OXR1: variants seen among roughly 807,000 people sequenced by gnomAD.
OXR1 encodes oxidation resistance 1, also known as oxidation resistance protein 1.
In OXR1, 41 loss-of-function variants were observed where a neutral mutation model predicts 104.6. The ratio of observed to expected loss-of-function variants is 0.39; its 90% confidence interval spans 0.31 to 0.51. The LOEUF is 0.51. Ranked by LOEUF, OXR1 falls within the 20% of genes least tolerant of loss-of-function variation. The pLI is 0.77. For missense variants in OXR1, 955 were observed against 1,031.9 expected, an observed-to-expected ratio of 0.93 and a Z score of 1.02; for synonymous variants, 348 against 348.4, an observed-to-expected ratio of 1.00 and a Z score of 0.01.
chr8:106,363,089 A>T lies in OXR1; in HGVS notation c.23+3453A>T, dbSNP rs187164133. 1.9e-3 allele frequency among the ~76,000 whole-genome samples: 283 copies of T among 152,364 alleles called. 1 individual carries two copies. Among genetic ancestry groups the T allele is most frequent in the African/African-American group, 6.3e-3 (264 of 41,598 alleles). The stretch of plus-strand genomic sequence containing the variant: ...AGGTGATAGTAATTCTTCTAGAGCC[A>T]TGTATGGGAGAAAGAAGTCACTGGA... On this transcript the variant is annotated intron_variant, in intron 2 of 16. Coordinates refer to ENST00000517566, the MANE Select transcript of OXR1 (RefSeq NM_001198533.2).
At chr8:106,495,499 A>G (rs915716131) in intron 2 of OXR1, among the ~76,000 whole-genome samples, 1 of 152,172 alleles carries the variant, frequency 6.6e-6, no homozygotes, top group Non-Finnish European at 1.5e-5. Flanking sequence ...CCAGTTCCCT[A>G]GTTTTCCTGT....
intron 2 of OXR1, among the ~76,000 whole-genome samples, chr8:106,455,876 C>T (rs1377469478): frequency 3.9e-5 from 6 of 152,142 alleles, no homozygotes; most frequent in Non-Finnish European, 8.8e-5. Flanking sequence ...ACCCAAATTC[C>T]AATAGAGCTC....
Position 106,625,502 on chromosome 8 carries a change from T to A in OXR1, c.221-53708T>A, listed in dbSNP as rs186346392. On this transcript the variant is annotated intron_variant, in intron 3 of 16. Transcript: ENST00000517566. ...AACCTTGGTTTGTTCTAATAGCACA[T>A]GTGTGTAGAGCAAGAATCTACATTC... is the stretch of plus-strand genomic sequence containing the variant. Among the ~76,000 whole-genome samples the A allele has an allele frequency of 2.0e-5, 3 of 152,338 alleles. No homozygotes were observed. The East Asian group carries it at 5.8e-4, about 29-fold the overall frequency.
rs1821863635 is a variant in OXR1 at position 106,623,156 on chromosome 8, A to G, written c.221-56054A>G. 2.0e-5 allele frequency among the ~76,000 whole-genome samples: 3 copies of G among 152,106 alleles called. No individual in the cohort carries two copies. The South Asian group carries it at 6.2e-4, about 32-fold the overall frequency. On this transcript the variant is annotated intron_variant, in intron 3 of 16. Coordinates refer to ENST00000517566, the MANE Select transcript of OXR1 (RefSeq NM_001198533.2). ...CCTATAGATTCCTCTATTCCCTGAG[A>G]TTTTCTTCAATATGGGTTCCATCCA...
At chr8:106,293,959 A>G (rs539122891) in intron 1 of OXR1, among the ~76,000 whole-genome samples, 42 of 110,582 alleles carry the variant, frequency 3.8e-4, no homozygotes, top group African/African-American at 1.5e-3. Context: ...TTCATATGAC[A>G]GTTTAATTTT....
chr8:106,683,163 T>C, intron 4 of OXR1, 36 bp from the exon 5 acceptor site: 1 of 1,060,544 alleles, frequency 9.4e-7, no homozygotes, highest in Non-Finnish European at 1.4e-6. Flanking sequence ...TTTTCTGTTT[T>C]AAACATTGAA....
chr8:106,413,717 G>C (rs1265457271), intron 2 of OXR1, among the ~76,000 whole-genome samples: 3 of 129,980 alleles, frequency 2.3e-5, no homozygotes, highest in Admixed American at 7.6e-5. Flanking sequence ...AGCTAATGCT[G>C]TATCTACTTT....
chr8:106,333,228 C>T (rs893087597), intron 1 of OXR1, among the ~76,000 whole-genome samples: 2 of 152,044 alleles, frequency 1.3e-5, no homozygotes, highest in Admixed American at 1.3e-4. Flanking sequence ...AACTTTTTCA[C>T]AGCAGCTATG....
At chr8:106,340,843 A>C (rs1290396232) in intron 1 of OXR1, among the ~76,000 whole-genome samples, 1 of 148,022 alleles carries the variant, frequency 6.8e-6, no homozygotes, top group East Asian at 1.9e-4. Context: ...TAATTTTAGG[A>C]ATCTCAAACA....
chr8:106,341,423 T>C (rs1166328429), intron 1 of OXR1, among the ~76,000 whole-genome samples: 2 of 135,656 alleles, frequency 1.5e-5, no homozygotes, highest in Non-Finnish European at 3.2e-5. Flanking sequence ...TAACAAACAG[T>C]ATTATTAAAA....
At chr8:106,547,983 T>C (rs1291921654) in intron 3 of OXR1, among the ~76,000 whole-genome samples, 1 of 152,198 alleles carries the variant, frequency 6.6e-6, no homozygotes, top group Non-Finnish European at 1.5e-5. Context: ...TTTGGGTATA[T>C]ACCCAGAAGT....
intron 2 of OXR1, among the ~76,000 whole-genome samples, chr8:106,498,303 T>G (rs919625567): frequency 6.6e-6 from 1 of 152,236 alleles, no homozygotes; most frequent in Admixed American, 6.5e-5. Flanking sequence ...AATCTATACA[T>G]GGAGTATTCC....
intron 2 of OXR1, among the ~76,000 whole-genome samples, chr8:106,398,235 C>T (rs181737989): frequency 8.5e-5 from 13 of 152,268 alleles, no homozygotes; most frequent in East Asian, 1.9e-4. Flanking sequence ...ATTGCATTTC[C>T]GTGGTCTTCC....
rs575413011 is a variant in OXR1 at position 106,501,280 on chromosome 8, C to T, written c.24-17663C>T. ...CTAGGAAGACAGGCAACTGCCACCA[C>T]GCCTGGCTTGAAGTTGGTGCAATTT... is the stretch of plus-strand genomic sequence containing the variant. On this transcript the variant is annotated intron_variant, in intron 2 of 16. Coordinates refer to ENST00000517566, the MANE Select transcript of OXR1 (RefSeq NM_001198533.2). Among the ~76,000 whole-genome samples the T allele has an allele frequency of 5.9e-5, 9 of 152,288 alleles. No individual in the cohort carries two copies. The East Asian group carries it at 9.6e-4, about 16-fold the overall frequency.
chr8:106,332,126 T>G (rs1252324281), intron 1 of OXR1, among the ~76,000 whole-genome samples: 1 of 151,384 alleles, frequency 6.6e-6, no homozygotes, highest in African/African-American at 2.4e-5. Context: ...ATTTGAGAAT[T>G]TATTAAATCA....
At chr8:106,647,974 T>G (rs1041139609) in intron 3 of OXR1, among the ~76,000 whole-genome samples, 1 of 152,254 alleles carries the variant, frequency 6.6e-6, no homozygotes, top group Non-Finnish European at 1.5e-5. Flanking sequence ...TTTGCAGATG[T>G]GTCGTGCTCA....
chr8:106,501,147 T>C (rs1482319899), intron 2 of OXR1, among the ~76,000 whole-genome samples: 3 of 152,190 alleles, frequency 2.0e-5, no homozygotes, highest in Admixed American at 6.5e-5. Context: ...GTTGTTTTTT[T>C]AAGGGACAGA....
intron 11 of OXR1, among the ~76,000 whole-genome samples, chr8:106,737,219 A>G (rs569606657): frequency 3.3e-5 from 5 of 152,258 alleles, no homozygotes; most frequent in African/African-American, 1.2e-4. Context: ...TATGTGTTTT[A>G]TATAGTGTTT....
chr8:106,425,895 C>T (rs1278218419), intron 2 of OXR1, among the ~76,000 whole-genome samples: 1 of 152,040 alleles, frequency 6.6e-6, no homozygotes, highest in Admixed American at 6.6e-5. Context: ...AAGGTTGTCT[C>T]CGATGAGAGA....
Sources: allele counts gnomAD v4.1 joint callset (sites outside exome capture counted in the v4.1 genomes callset), GRCh38; gene constraint gnomAD v4.1.1; transcripts MANE v1.5; gene names NCBI Gene and HGNC (gene_info 2026-07-23, HGNC 2026-07-21).